Variants in ADAM8 observed in about 807,000 individuals in gnomAD.
ADAM8 encodes disintegrin and metalloproteinase domain-containing protein 8.
In ADAM8, 104 loss-of-function variants were observed where a neutral mutation model predicts 102.4. That is an observed-to-expected ratio of 1.02 (90% CI 0.87 to 1.20). ADAM8 has a LOEUF of 1.20. Ranked by LOEUF, ADAM8 falls within the 50% of genes most tolerant of loss-of-function variation. The pLI is 0.00. For missense variants in ADAM8, 1,132 were observed against 1,159.0 expected (o/e 0.98, Z 0.34); for synonymous variants, 517 against 485.2 (o/e 1.07, Z -0.86).
At chr10:133,276,366 C>T (rs2136098055) in intron 1 of ADAM8, among the ~76,000 whole-genome samples, 1 of 152,320 alleles carries the variant, frequency 6.6e-6, no homozygotes, top group South Asian at 2.1e-4. Flanking sequence ...CCTCAGCCCA[C>T]ACCCCTGCAC....
chr10:133,268,625 G>A (rs899685222), intron 19 of ADAM8, 123 bp downstream of exon 19: 16 of 1,104,562 alleles, frequency 1.4e-5, no homozygotes, highest in South Asian at 1.2e-4. Flanking sequence ...TCATGACGTC[G>A]GGGCACAGAG....
At position 133,271,018 on chromosome 10, in the gene ADAM8, T is replaced by C; in HGVS notation, c.1427A>G (p.Glu476Gly). ...AGGGTGCCGGCCGTCACAGAACTCC[T>C]CGAGGTCACACATGTCCTTCTTGGG... ...CRPKKDMCDL[E>G]EFCDGRHPEC... Residue 476 changes from glutamate to glycine, a missense_variant, in exon 14 of 23, where the codon GAG (glutamate) becomes GGG (glycine). Coordinates refer to ENST00000445355, the MANE Select transcript of ADAM8 (RefSeq NM_001109.5). 2.5e-6 allele frequency: 4 copies of C among 1,612,760 alleles called. No individual in the cohort carries two copies. The highest frequency in any genetic ancestry group is 3.4e-6 in the Non-Finnish European group (4 of 1,179,944).
chr10:133,272,417 T>A lies in ADAM8; in HGVS notation c.874A>T (p.Thr292Ser). The change falls in exon 9 of 23, where the codon ACG becomes TCG. Residue 292 changes from threonine (T) to serine (S), a missense_variant and splice_region_variant. Physicochemically the swap from Thr to Ser is moderately conservative, Grantham distance 58 (BLOSUM62 1). Transcript: ENST00000445355. ...ACCCTGCCCGCTCCGCCAGCTCACG[T>A]GATGAGCTGTACGTTGTCATGCAGG... ...RHLHDNVQLITGVDFTGTTVG... is the reference protein window; with the variant it reads ...RHLHDNVQLISGVDFTGTTVG... 1 of 1,525,032 alleles carries A rather than the reference T, an allele frequency of 6.6e-7. No homozygotes were observed. The highest frequency in any genetic ancestry group is 8.9e-7 in the Non-Finnish European group (1 of 1,127,122). 94.5% of individuals were successfully genotyped at this position (1,525,032 alleles called of 1,614,324 possible).
intron 18 of ADAM8, chr10:133,269,186 C>T: frequency 2.0e-6 from 2 of 985,394 alleles, no homozygotes; most frequent in African/African-American, 1.7e-5. Flanking sequence ...CTGGAAGACA[C>T]AGGCTGAGGA....
In ADAM8 at chr10:133,263,826, C is replaced by T. The variant is rs939894129; in HGVS notation, c.2320-61G>A. 3.0e-6 allele frequency: 4 copies of T among 1,335,834 alleles called. No individual in the cohort carries two copies. The African/African-American group carries it at 4.6e-5, about 15-fold the overall frequency. 82.7% of individuals were successfully genotyped at this position (1,335,834 alleles called of 1,614,324 possible). A position where few individuals can be genotyped will look rare whatever the true frequency, so the allele number is the denominator to read the frequency against. ...CAGGCACTCCCGGCTCTAGCCTGGA[C>T]ATCACCTTCTCTGGACCTGGAACGA... is the stretch of plus-strand genomic sequence containing the variant. On this transcript the variant is annotated intron_variant, in intron 21 of 22. Coordinates refer to ENST00000445355, the MANE Select transcript of ADAM8 (RefSeq NM_001109.5).
At chr10:133,263,604 A>G in intron 22 of ADAM8, 84 bp downstream of exon 22, 4 of 53,306 alleles carry the variant, frequency 7.5e-5, no homozygotes, top group South Asian at 4.2e-4. Context: ...CCCACCCTCC[A>G]GGGCAGTGCC....
At chr10:133,276,644 G>T in intron 1 of ADAM8, 128 bp downstream of exon 1, 1 of 1,354,976 alleles carries the variant, frequency 7.4e-7, no homozygotes, top group Non-Finnish European at 9.7e-7. Context: ...CGCTCCCAGG[G>T]ACCAGCCCGA....
chr10:133,269,097 A>G, intron 18 of ADAM8: 2 of 985,394 alleles, frequency 2.0e-6, no homozygotes, highest in Non-Finnish European at 2.4e-6. Flanking sequence ...TTGAGGCCTG[A>G]TGCTCTGGAC....
rs1228423326 is a variant in ADAM8 at position 133,274,204 on chromosome 10, A to C, written c.182T>G (p.Leu61Arg). 1 of 1,584,788 alleles carries C rather than the reference A, an allele frequency of 6.3e-7. No individual in the cohort carries two copies. The highest frequency in any genetic ancestry group is 1.3e-5 in the African/African-American group (1 of 74,164). ...GGTGAAGTTGTGCCCTGTGGCCCCAAGGACGTAGCTCACCCTCTCTGGGTG... is the reference window on the plus strand; with the variant it reads ...GGTGAAGTTGTGCCCTGTGGCCCCACGGACGTAGCTCACCCTCTCTGGGTG... ...GLHPERVSYV[L>R]GATGHNFTLH... The change falls in exon 3 of 23, where the codon CTT becomes CGT. Residue 61 changes from leucine to arginine, a missense_variant. Leu to Arg is a moderately radical substitution (Grantham distance 102). Coordinates refer to ENST00000445355, the MANE Select transcript of ADAM8 (RefSeq NM_001109.5).
chr10:133,263,667 T>A (rs768448013), intron 22 of ADAM8, 21 bp downstream of exon 22: 18 of 1,539,128 alleles, frequency 1.2e-5, no homozygotes, highest in Non-Finnish European at 1.6e-5. Context: ...GGACTCTGCC[T>A]GGTGTGTGCT....
chr10:133,272,673 C>T (rs1394041100), intron 8 of ADAM8, 88 bp from the exon 9 acceptor site: 16 of 1,537,772 alleles, frequency 1.0e-5, no homozygotes, highest in Admixed American at 5.4e-5. Context: ...ACCTGTCCCA[C>T]GGCGAGGTGG....
chr10:133,274,298 G>T, intron 2 of ADAM8, 63 bp from the exon 3 acceptor site: 1 of 1,448,750 alleles, frequency 6.9e-7, no homozygotes, highest in Non-Finnish European at 9.1e-7. Context: ...CCTCAATCCT[G>T]GGGGCCAGAG....
At position 133,269,099 on chromosome 10, in the gene ADAM8, G is replaced by T; in HGVS notation, c.1949-237C>A. ...CACGGCTGTGCCTTTGAGGCCTGAT[G>T]CTCTGGACGACCACATGCTCAGTGG... is the stretch of plus-strand genomic sequence containing the variant. On this transcript the variant is annotated intron_variant, in intron 18 of 22. Transcript: ENST00000445355. The T allele has an allele frequency of 5.1e-6, 5 of 985,466 alleles. No individual in the cohort carries two copies. The South Asian group carries it at 2.3e-4, about 46-fold the overall frequency. 61.0% of individuals were successfully genotyped at this position (985,466 alleles called of 1,614,324 possible). A position where few individuals can be genotyped will look rare whatever the true frequency, so the allele number is the denominator to read the frequency against.
chr10:133,269,495 G>A lies in ADAM8; in HGVS notation c.1898C>T (p.Ala633Val), dbSNP rs770791031. The A allele has an allele frequency of 2.9e-5, 46 of 1,598,960 alleles. No individual in the cohort carries two copies. The highest frequency in any genetic ancestry group is 3.0e-5 in the Non-Finnish European group (35 of 1,178,246). ...CGCGCAGTGGGGCGGGGCCCAGCCC[G>A]CGTGGCAGTGGCACTCCTGCTTGTG... ...CNHKQECHCH[A>V]GWAPPHCAKL... Residue 633 changes from alanine to valine, a missense_variant, in exon 18 of 23, where the codon GCG becomes GTG. Ala to Val is a moderately conservative substitution (Grantham distance 64). Coordinates refer to ENST00000445355, the MANE Select transcript of ADAM8 (RefSeq NM_001109.5).
intron 18 of ADAM8, chr10:133,269,110 C>T (rs1003551405): frequency 1.0e-6 from 1 of 985,338 alleles, no homozygotes; most frequent in African/African-American, 1.7e-5. Flanking sequence ...CTCTGGACGA[C>T]CACATGCTCA....
rs576705097 is a variant in ADAM8, at chr10:133,264,261, A to G, written c.2320-496T>C. ...TTTTTTGTAGAGACGGGGTCTCCCT[A>G]TGTTGCCCAGGCTGGTCTTGAACTC... On this transcript the variant is annotated intron_variant, in intron 21 of 22. Transcript: ENST00000445355. Among the ~76,000 whole-genome samples the G allele has an allele frequency of 4.0e-5, 6 of 151,412 alleles. No homozygotes were observed. The East Asian group carries it at 1.2e-3, about 29-fold the overall frequency.
chr10:133,267,396 G>C lies in ADAM8; in HGVS notation c.2275C>G (p.Pro759Ala), dbSNP rs1846358296. The C allele has an allele frequency of 6.2e-7, 1 of 1,610,372 alleles. No homozygotes were observed. The highest frequency in any genetic ancestry group is 1.1e-5 in the South Asian group (1 of 90,094). ...PPAPPVTVSSPPFPVPVYTRQ... is the reference protein window; with the variant it reads ...PPAPPVTVSSAPFPVPVYTRQ... ...GTGTAGACAGGAACTGGGAAGGGTGGGCTGGACACAGTGACCGGAGGCTGG... is the reference window on the plus strand; with the variant it reads ...GTGTAGACAGGAACTGGGAAGGGTGCGCTGGACACAGTGACCGGAGGCTGG... The change falls in exon 21 of 23, where the codon CCA becomes GCA. Residue 759 changes from proline to alanine, a missense_variant. Transcript: ENST00000445355.
intron 1 of ADAM8, chr10:133,275,864 C>T (rs1846731975): frequency 2.5e-6 from 1 of 392,524 alleles, no homozygotes; most frequent in South Asian, 5.9e-5. Flanking sequence ...CCACAGGTCT[C>T]CAGGCTGTCT....
intron 2 of ADAM8, 110 bp from the exon 3 acceptor site, chr10:133,274,345 C>G (rs1348457679): frequency 9.6e-7 from 1 of 1,045,458 alleles, no homozygotes; most frequent in Admixed American, 3.0e-5. Flanking sequence ...CGGCCTCCAG[C>G]CCCAGGTCAA....
Sources: gnomAD v4.1 joint callset for allele counts (sites outside exome capture counted in the v4.1 genomes callset) on GRCh38, gnomAD v4.1.1 for gene constraint, MANE v1.5 for transcripts, NCBI Gene and HGNC (gene_info 2026-07-23, HGNC 2026-07-21) for gene names.